The following ZFPM2 variants were observed in gnomAD, a reference collection of about 807,000 sequenced individuals.
The protein encoded by ZFPM2 is zinc finger protein ZFPM2.
A neutral mutation model predicts 98.6 loss-of-function variants in ZFPM2; 20 were observed. The ratio of observed to expected loss-of-function variants is 0.20; its 90% confidence interval spans 0.14 to 0.29. The LOEUF is 0.29. ZFPM2 is among the 10% of genes least tolerant of loss of function. The pLI is 1.00. For synonymous variants in ZFPM2, 518 were observed against 502.7 expected, an observed-to-expected ratio of 1.03 and a Z score of -0.41; for missense variants, 1,310 against 1,388.6, an observed-to-expected ratio of 0.94 and a Z score of 0.90.
At chr8:105,519,494 A>T (rs60695618) in intron 3 of ZFPM2, among the ~76,000 whole-genome samples, 2,152 of 152,214 alleles carry the variant, frequency 0.014, 50 homozygotes, top group African/African-American at 0.049. Context: ...CCTCCCAAAG[A>T]TGATTATTTT....
chr8:105,767,414 T>A (rs1812878382), intron 5 of ZFPM2, among the ~76,000 whole-genome samples: 1 of 151,940 alleles, frequency 6.6e-6, no homozygotes, highest in Non-Finnish European at 1.5e-5. Context: ...ATATAGTAGA[T>A]GATTAAAATA....
chr8:105,674,683 G>C (rs191063180), intron 5 of ZFPM2, among the ~76,000 whole-genome samples: 22 of 152,296 alleles, frequency 1.4e-4, no homozygotes, highest in African/African-American at 5.3e-4. Flanking sequence ...GGATAGGATA[G>C]AGGCTGATTT....
intron 5 of ZFPM2, among the ~76,000 whole-genome samples, chr8:105,725,276 C>T (rs1811781141): frequency 6.6e-6 from 1 of 151,736 alleles, no homozygotes. Flanking sequence ...CAGTCTGACA[C>T]TTCCATGTCA....
At chr8:105,720,204 T>A (rs542309848) in intron 5 of ZFPM2, among the ~76,000 whole-genome samples, 1 of 151,880 alleles carries the variant, frequency 6.6e-6, no homozygotes, top group African/African-American at 2.4e-5. Context: ...AATAATGCAA[T>A]TTATTATTCA....
chr8:105,426,209 T>C (rs1318412567), intron 2 of ZFPM2, among the ~76,000 whole-genome samples: 1 of 152,218 alleles, frequency 6.6e-6, no homozygotes, highest in Non-Finnish European at 1.5e-5. Context: ...CTCAGCTCTT[T>C]AAATTCTTGC....
intron 4 of ZFPM2, among the ~76,000 whole-genome samples, chr8:105,573,117 C>T (rs1815392698): frequency 6.6e-6 from 1 of 152,102 alleles, no homozygotes; most frequent in African/African-American, 2.4e-5. Context: ...CTTACATGCT[C>T]ACTCAAATGA....
At chr8:105,582,463 T>C (rs1042402495) in intron 4 of ZFPM2, among the ~76,000 whole-genome samples, 1 of 152,208 alleles carries the variant, frequency 6.6e-6, no homozygotes. Context: ...ACTAAAATCC[T>C]GCAATGCACA....
chr8:105,526,400 C>T (rs942439512), intron 3 of ZFPM2, among the ~76,000 whole-genome samples: 8 of 152,032 alleles, frequency 5.3e-5, no homozygotes, highest in African/African-American at 1.9e-4. Flanking sequence ...GAAGAAAATG[C>T]AAGAAGAATG....
chr8:105,714,936 T>G (rs2130984670), intron 5 of ZFPM2, among the ~76,000 whole-genome samples: 1 of 152,278 alleles, frequency 6.6e-6, no homozygotes, highest in Non-Finnish European at 1.5e-5. Context: ...AATTATTATC[T>G]ATTTCAATAA....
At chr8:105,570,416 C>T (rs1456191295) in intron 4 of ZFPM2, among the ~76,000 whole-genome samples, 1 of 151,590 alleles carries the variant, frequency 6.6e-6, no homozygotes, top group Non-Finnish European at 1.5e-5. Flanking sequence ...GAATGTGAGT[C>T]AGAAAGGAAG....
At chr8:105,430,655 G>A (rs1015158666) in intron 2 of ZFPM2, among the ~76,000 whole-genome samples, 5 of 152,182 alleles carry the variant, frequency 3.3e-5, no homozygotes, top group African/African-American at 9.6e-5. Context: ...CTGGCACTAA[G>A]GGAGGAGACG....
intron 5 of ZFPM2, among the ~76,000 whole-genome samples, chr8:105,738,454 A>G (rs957084715): frequency 6.6e-6 from 1 of 152,008 alleles, no homozygotes; most frequent in African/African-American, 2.4e-5. Context: ...CATGGCTTCA[A>G]TATTGTGAAT....
At chr8:105,333,134 C>G (rs1812263689) in intron 1 of ZFPM2, among the ~76,000 whole-genome samples, 1 of 151,740 alleles carries the variant, frequency 6.6e-6, no homozygotes, top group Non-Finnish European at 1.5e-5. Context: ...CAACAACAAC[C>G]TCTGAGCTAA....
intron 4 of ZFPM2, among the ~76,000 whole-genome samples, chr8:105,605,489 TAG>T (rs1159147645): frequency 3.9e-5 from 6 of 152,124 alleles, no homozygotes; most frequent in Non-Finnish European, 7.4e-5. Flanking sequence ...AAACTGTTGA[TAG>T]ATAATTCCAT....
intron 3 of ZFPM2, among the ~76,000 whole-genome samples, chr8:105,465,651 G>A (rs1203378809): frequency 6.6e-6 from 1 of 151,850 alleles, no homozygotes; most frequent in Non-Finnish European, 1.5e-5. Context: ...CCAACTATTT[G>A]CAATATTTTT....
Position 105,405,807 on chromosome 8 carries a change from G to T in ZFPM2, c.41-13337G>T, listed in dbSNP as rs564265438. Among the ~76,000 whole-genome samples the T allele has an allele frequency of 2.7e-3, 411 of 152,180 alleles. 1 individual carries two copies. The highest frequency in any genetic ancestry group is 9.7e-3 in the African/African-American group (402 of 41,520). On this transcript the variant is annotated intron_variant, in intron 1 of 7. Transcript: ENST00000407775. ...TGGGTATATACCCAGTAATGGGATGGCTGGGTCAAATGGTATTTCTAGTTC... is the reference window on the plus strand; with the variant it reads ...TGGGTATATACCCAGTAATGGGATGTCTGGGTCAAATGGTATTTCTAGTTC...
chr8:105,617,020 GAAAAAAAAAAAAAAAAAAAAAAAAAA>G (rs773023421), intron 4 of ZFPM2, among the ~76,000 whole-genome samples: 4 of 28,120 alleles, frequency 1.4e-4, no homozygotes, highest in African/African-American at 6.0e-4. Flanking sequence ...ACTCTGTCTC[GAAAAAAAAAAAAAAAAAAAAAAAAAA>G]AAAAAAAAAA....
chr8:105,766,929 G>T (rs964551915), intron 5 of ZFPM2, among the ~76,000 whole-genome samples: 3 of 151,820 alleles, frequency 2.0e-5, no homozygotes, highest in African/African-American at 7.2e-5. Context: ...CCTGATGGGG[G>T]TTATAGTTTA....
intron 1 of ZFPM2, among the ~76,000 whole-genome samples, chr8:105,379,654 G>A (rs1183415093): frequency 6.6e-6 from 1 of 151,742 alleles, no homozygotes; most frequent in Non-Finnish European, 1.5e-5. Context: ...TTGGGAGGCT[G>A]AGGCGAGAGA....
Sources: gnomAD v4.1 joint callset for allele counts (sites outside exome capture counted in the v4.1 genomes callset) on GRCh38, gnomAD v4.1.1 for gene constraint, MANE v1.5 for transcripts, NCBI Gene and HGNC (gene_info 2026-07-23, HGNC 2026-07-21) for gene names.